Variants in NAALADL2 observed in about 807,000 individuals in gnomAD.
The protein encoded by NAALADL2 is N-acetylated alpha-linked acidic dipeptidase like 2.
Under a neutral mutation model 87.2 loss-of-function variants are expected in NAALADL2, and 76 were observed. That is an observed-to-expected ratio of 0.87 (90% confidence interval 0.72 to 1.05). NAALADL2 has a LOEUF of 1.05. Ranked by LOEUF, NAALADL2 falls within the 50% of genes least tolerant of loss-of-function variation. The pLI is 0.00. For synonymous variants in NAALADL2, 354 were observed against 331.0 expected (o/e 1.07, Z -0.75); for missense variants, 1,089 against 945.8 (o/e 1.15, Z -1.99).
intron 13 of NAALADL2, among the ~76,000 whole-genome samples, chr3:175,785,077 T>G (rs1198237143): frequency 6.6e-6 from 1 of 151,272 alleles, no homozygotes; most frequent in East Asian, 1.9e-4. Context: ...GATAGTTTGT[T>G]ATAATGTCTG....
intron 1 of NAALADL2, chr3:174,459,278 G>A (rs1390038153): frequency 1.3e-5 from 2 of 152,138 alleles, no homozygotes; most frequent in Admixed American, 6.6e-5. Context: ...TGCTCATCCA[G>A]TATCTGCAGT....
intron 1 of NAALADL2, among the ~76,000 whole-genome samples, chr3:175,027,904 G>A (rs1192789524): frequency 6.6e-6 from 1 of 151,476 alleles, no homozygotes; most frequent in Non-Finnish European, 1.5e-5. Context: ...CTATTTGTTT[G>A]TTTTTAAACC....
chr3:175,740,734 G>C (rs1390602398), intron 12 of NAALADL2, among the ~76,000 whole-genome samples: 1 of 152,134 alleles, frequency 6.6e-6, no homozygotes, highest in Non-Finnish European at 1.5e-5. Flanking sequence ...ATTGTACCTA[G>C]GGCGGACATG....
chr3:175,702,436 T>C (rs1739119610), intron 11 of NAALADL2, among the ~76,000 whole-genome samples: 1 of 152,104 alleles, frequency 6.6e-6, no homozygotes, highest in African/African-American at 2.4e-5. Flanking sequence ...AAAGAGAATT[T>C]ACTGTGGGAG....
chr3:174,848,142 T>A (rs1724850283), intron 3 of NAALADL2, among the ~76,000 whole-genome samples: 1 of 152,152 alleles, frequency 6.6e-6, no homozygotes, highest in Admixed American at 6.5e-5. Context: ...GTACCAAAGT[T>A]GTGTAATTCA....
At chr3:175,256,578 G>A (rs1273482885) in intron 4 of NAALADL2, 48 bp downstream of exon 4, 1 of 1,581,534 alleles carries the variant, frequency 6.3e-7, no homozygotes, top group African/African-American at 1.4e-5. Flanking sequence ...ATTTTGCCTT[G>A]TTTTGTTGGA....
intron 5 of NAALADL2, among the ~76,000 whole-genome samples, chr3:175,393,623 T>C (rs576822478): frequency 1.3e-5 from 2 of 152,264 alleles, no homozygotes; most frequent in East Asian, 3.9e-4. Flanking sequence ...CTCTCAGGCA[T>C]ACTTTCTCTC....
intron 1 of NAALADL2, among the ~76,000 whole-genome samples, chr3:174,897,824 A>G (rs1731741773): frequency 1.3e-5 from 2 of 150,370 alleles, no homozygotes; most frequent in Non-Finnish European, 2.9e-5. Flanking sequence ...TAAAAAAAGA[A>G]TGAGATCGGC....
At chr3:175,011,495 C>A (rs1312482239) in intron 1 of NAALADL2, among the ~76,000 whole-genome samples, 1 of 152,092 alleles carries the variant, frequency 6.6e-6, no homozygotes, top group Non-Finnish European at 1.5e-5. Context: ...ATAGTAAAGC[C>A]AATATTCAGG....
intron 1 of NAALADL2, among the ~76,000 whole-genome samples, chr3:174,934,143 GTTC>G (rs1320341055): frequency 1.3e-5 from 2 of 152,104 alleles, no homozygotes; most frequent in Non-Finnish European, 2.9e-5. Context: ...TATTTATTTA[GTTC>G]TTCTACTACT....
At chr3:174,651,731 T>C (rs568170365) in intron 2 of NAALADL2, among the ~76,000 whole-genome samples, 2 of 152,336 alleles carry the variant, frequency 1.3e-5, no homozygotes, top group East Asian at 1.9e-4. Context: ...CTTCAAATCA[T>C]AGGCAAAGAG....
intron 4 of NAALADL2, among the ~76,000 whole-genome samples, chr3:175,286,903 A>G (rs1440792484): frequency 6.7e-6 from 1 of 149,562 alleles, no homozygotes; most frequent in African/African-American, 2.5e-5. Flanking sequence ...CCCGGGCAAC[A>G]TAGTGAGACT....
At chr3:175,161,631 C>T (rs1005798288) in intron 2 of NAALADL2, among the ~76,000 whole-genome samples, 3 of 148,924 alleles carry the variant, frequency 2.0e-5, no homozygotes, top group Admixed American at 6.8e-5. Flanking sequence ...CCCCCCCGCC[C>T]GTCCCACCCT....
chr3:174,513,015 G>A (rs979057363), intron 1 of NAALADL2, among the ~76,000 whole-genome samples: 3 of 151,232 alleles, frequency 2.0e-5, no homozygotes, highest in Middle Eastern at 6.8e-3. Flanking sequence ...AGGCTGGAGT[G>A]CAATGGCGTG....
At chr3:174,524,014 T>G (rs1489199545) in intron 1 of NAALADL2, among the ~76,000 whole-genome samples, 4 of 152,282 alleles carry the variant, frequency 2.6e-5, no homozygotes, top group Non-Finnish European at 4.4e-5. Flanking sequence ...TTCTTCTTTT[T>G]TTTTGCTTGT....
At position 175,322,069 on chromosome 3, in the gene NAALADL2, G is replaced by A. The variant is rs553545467; in HGVS notation, c.940-2106G>A. Among the ~76,000 whole-genome samples the A allele has an allele frequency of 9.9e-3, 1,497 of 150,906 alleles. 14 individuals are homozygous for A. The highest frequency in any genetic ancestry group is 0.017 in the Non-Finnish European group (1,157 of 67,466). The stretch of plus-strand genomic sequence containing the variant: ...AAAAGAACAAAGCTGGAGGCATCAC[G>A]CTACCTGACCTCAAACTATACTACA... On this transcript the variant is annotated intron_variant, in intron 4 of 13. Transcript: ENST00000454872.
chr3:175,607,291 T>C (rs565007394), intron 10 of NAALADL2, among the ~76,000 whole-genome samples: 2 of 152,346 alleles, frequency 1.3e-5, no homozygotes. Context: ...CATTGTTACA[T>C]TTTATTGTAT....
chr3:174,818,878 C>G (rs1297447283), intron 3 of NAALADL2, among the ~76,000 whole-genome samples: 1 of 152,052 alleles, frequency 6.6e-6, no homozygotes, highest in Non-Finnish European at 1.5e-5. Context: ...AGGTTCTTAG[C>G]CCTTGCTTCA....
intron 2 of NAALADL2, among the ~76,000 whole-genome samples, chr3:174,571,908 C>A (rs546619033): frequency 6.6e-6 from 1 of 152,272 alleles, no homozygotes; most frequent in East Asian, 1.9e-4. Flanking sequence ...AATATTTCTT[C>A]AGACTTGTTT....
Sources: gnomAD v4.1 joint callset for allele counts (sites outside exome capture counted in the v4.1 genomes callset) on GRCh38, gnomAD v4.1.1 for gene constraint, MANE v1.5 for transcripts, NCBI Gene and HGNC (gene_info 2026-07-23, HGNC 2026-07-21) for gene names.